The following CRYBG3 variants were observed in gnomAD, a reference collection of about 807,000 sequenced individuals.
The protein encoded by CRYBG3 is very large A-kinase anchor protein.
CRYBG3 carries 127 observed loss-of-function variants against 244.2 expected under a neutral mutation model. The observed-to-expected ratio is 0.52, with a 90% CI of 0.45 to 0.60. The LOEUF (loss-of-function observed/expected upper bound fraction) is 0.60, where lower values mean the gene tolerates loss of function less well. Ranked by LOEUF, CRYBG3 falls within the 20% of genes least tolerant of loss-of-function variation. The probability of loss-of-function intolerance (pLI) is 0.00; values close to 1 mark genes in which losing one functional copy is unlikely to be tolerated. For synonymous variants in CRYBG3, 1,132 were observed against 1,195.8 expected (o/e 0.95, Z 1.10); for missense variants, 3,325 against 3,442.5 (o/e 0.97, Z 0.85).
In CRYBG3 at chr3:97,890,872, G is replaced by A. The variant is rs1281272597; in HGVS notation, c.7440+1482G>A. ...TTAATGCAGCTAGTATTTGAGAAGT[G>A]AAAAAACAGCAAAATAGTAAAGGAG... is the stretch of plus-strand genomic sequence containing the variant. On this transcript the variant is annotated intron_variant, in intron 10 of 21. Transcript: ENST00000389622. Among the ~76,000 whole-genome samples the A allele has an allele frequency of 5.9e-5, 9 of 152,132 alleles. 1 individual carries two copies. Among genetic ancestry groups the A allele is most frequent in the African/African-American group, 2.2e-4 (9 of 41,518 alleles).
intron 1 of CRYBG3, among the ~76,000 whole-genome samples, chr3:97,825,119 T>C (rs570920348): frequency 6.6e-6 from 1 of 152,200 alleles, no homozygotes; most frequent in Non-Finnish European, 1.5e-5. Context: ...TATACATTAA[T>C]GGGACAGAGT....
rs563324487 is a variant in CRYBG3, at chr3:97,848,288, A to G, written c.216+5027A>G. Among the ~76,000 whole-genome samples, 11 of 152,040 alleles carry G rather than the reference A, an allele frequency of 7.2e-5. 1 individual carries two copies. The highest frequency in any genetic ancestry group is 2.2e-4 in the African/African-American group (9 of 41,524). ...TGTATGGCTTTAGTGTATGCTTGCT[A>G]TCTTTGTTTGTTTGTTGTTGTTTTT... On this transcript the variant is annotated intron_variant, in intron 2 of 21. Transcript: ENST00000389622.
intron 16 of CRYBG3, among the ~76,000 whole-genome samples, 179 bp from the exon 17 acceptor site, chr3:97,915,431 T>C (rs1485946465): frequency 6.6e-6 from 1 of 152,188 alleles, no homozygotes; most frequent in Non-Finnish European, 1.5e-5. Context: ...TGGCGCATCA[T>C]AAGCAGTTGA....
intron 5 of CRYBG3, 53 bp downstream of exon 5, chr3:97,879,801 A>G: frequency 7.6e-7 from 1 of 1,311,388 alleles, no homozygotes; most frequent in Non-Finnish European, 1.1e-6. Flanking sequence ...GGTAACTTTC[A>G]GGCTTGAGGA....
At chr3:97,854,575 A>G (rs1434446504) in intron 2 of CRYBG3, among the ~76,000 whole-genome samples, 1 of 148,456 alleles carries the variant, frequency 6.7e-6, no homozygotes, top group East Asian at 2.0e-4. Flanking sequence ...CTCCTTTGTT[A>G]GGTATACTCC....
chr3:97,865,274 T>A (rs891916712), intron 3 of CRYBG3, among the ~76,000 whole-genome samples: 1 of 152,226 alleles, frequency 6.6e-6, no homozygotes, highest in Admixed American at 6.5e-5. Context: ...TTGTGTGACA[T>A]AAAAGTATTC....
rs1449763830 is a variant in CRYBG3 at position 97,843,299 on chromosome 3, ATATCT to A, written c.216+41_216+45del. 7.6e-6 allele frequency: 7 copies of A among 916,892 alleles called. No homozygotes were observed. In the African/African-American group the frequency reaches 1.0e-4, roughly 13 times the overall value. 56.8% of individuals were successfully genotyped at this position (916,892 alleles called of 1,614,324 possible). ...ATTAATATTATTTTATATCAAGCAA[ATATCT>A]TAAATTGCTGTTAATTCTTTTAGAT... On this transcript the variant is annotated intron_variant, in intron 2 of 21. Transcript: ENST00000389622.
chr3:97,844,946 G>A (rs1279298985), intron 2 of CRYBG3, among the ~76,000 whole-genome samples: 1 of 152,130 alleles, frequency 6.6e-6, no homozygotes, highest in Admixed American at 6.6e-5. Context: ...AGAAACTGCA[G>A]TTATCCCGTA....
At chr3:97,855,256 T>A (rs1207090431) in intron 2 of CRYBG3, among the ~76,000 whole-genome samples, 1 of 152,138 alleles carries the variant, frequency 6.6e-6, no homozygotes, top group Non-Finnish European at 1.5e-5. Context: ...TTATTGGAGA[T>A]TTTTGCATCT....
At chr3:97,936,153 C>G (rs1431212752) in intron 18 of CRYBG3, among the ~76,000 whole-genome samples, 6 of 152,086 alleles carry the variant, frequency 3.9e-5, no homozygotes, top group African/African-American at 1.4e-4. Context: ...CGTAGGCAAT[C>G]CTTAAAGCAA....
At chr3:97,860,209 A>G (rs2039126208) in intron 2 of CRYBG3, among the ~76,000 whole-genome samples, 1 of 152,052 alleles carries the variant, frequency 6.6e-6, no homozygotes, top group Non-Finnish European at 1.5e-5. Context: ...CCATTTCTTC[A>G]TTTATTACTC....
At chr3:97,928,216 G>A (rs2040060837) in intron 17 of CRYBG3, among the ~76,000 whole-genome samples, 1 of 150,434 alleles carries the variant, frequency 6.6e-6, no homozygotes, top group African/African-American at 2.4e-5. Context: ...ATACTGTGCA[G>A]CCATAAAAAA....
At chr3:97,855,899 G>A (rs565825705) in intron 2 of CRYBG3, among the ~76,000 whole-genome samples, 10 of 152,130 alleles carry the variant, frequency 6.6e-5, no homozygotes, top group African/African-American at 1.2e-4. Context: ...AGACTGGGGC[G>A]AAATTAAAAT....
At chr3:97,910,523 C>T (rs542317946) in intron 15 of CRYBG3, among the ~76,000 whole-genome samples, 12 of 152,202 alleles carry the variant, frequency 7.9e-5, no homozygotes, top group African/African-American at 2.7e-4. Context: ...AGGTGCTGTC[C>T]GTCACCCCTT....
intron 10 of CRYBG3, among the ~76,000 whole-genome samples, chr3:97,891,484 A>G (rs1362181099): frequency 6.6e-6 from 1 of 152,200 alleles, no homozygotes; most frequent in African/African-American, 2.4e-5. Context: ...AAGTTCATGG[A>G]AAAAATGGAA....
rs951380566 is a variant in CRYBG3, at chr3:97,876,484, A to C, written c.5290A>C (p.Asn1764His). 8.1e-7 allele frequency: 1 copy of C among 1,232,044 alleles called. No homozygotes were observed. The highest frequency in any genetic ancestry group is 1.6e-5 in the African/African-American group (1 of 64,400). 76.3% of individuals were successfully genotyped at this position (1,232,044 alleles called of 1,614,324 possible). The change falls in exon 4 of 22, where the codon AAT becomes CAT. Residue 1764 changes from asparagine to histidine, a missense_variant. By Grantham distance (68) the Asn-to-His change is moderately conservative. Around this residue, in one of 4 missense-constraint regions of CRYBG3, gnomAD observed 635 missense variants for 771.7 expected, o/e 0.82. Coordinates refer to ENST00000389622, the MANE Select transcript of CRYBG3 (RefSeq NM_153605.4). ...EVMPLALEVVNTYQKNAKGFT... is the reference protein window; with the variant it reads ...EVMPLALEVVHTYQKNAKGFT... ...GATGCCCCTTGCATTAGAGGTAGTA[A>C]ATACTTACCAAAAAAATGCCAAAGG...
Position 97,941,320 on chromosome 3 carries a change from C to A in CRYBG3, c.8664+14C>A. 2 of 1,580,102 alleles carry A rather than the reference C, an allele frequency of 1.3e-6. No homozygotes were observed. Among genetic ancestry groups the A allele is most frequent in the African/African-American group, 2.7e-5 (2 of 74,054 alleles). ...TTTAAATCCAAGGTAAGCAATCCCACTGATACAGTATGCCACTTTCTGGTC... is the reference window on the plus strand; with the variant it reads ...TTTAAATCCAAGGTAAGCAATCCCAATGATACAGTATGCCACTTTCTGGTC... On this transcript the variant is annotated intron_variant, in intron 20 of 21. Transcript: ENST00000389622.
At chr3:97,936,761 CT>C in intron 18 of CRYBG3, 23 bp from the exon 19 acceptor site, 1 of 1,606,850 alleles carries the variant, frequency 6.2e-7, no homozygotes, top group African/African-American at 1.3e-5. Flanking sequence ...AAGTACACTA[CT>C]TTTTTCTTTC....
chr3:97,841,406 C>A (rs367568747), intron 1 of CRYBG3, among the ~76,000 whole-genome samples: 2 of 151,610 alleles, frequency 1.3e-5, no homozygotes. Flanking sequence ...TTAGCGGTAT[C>A]CGTTTGGTCC....
Sources: allele counts gnomAD v4.1 joint callset (sites outside exome capture counted in the v4.1 genomes callset), GRCh38; gene constraint gnomAD v4.1.1; regional missense constraint gnomAD v4.1.1; transcripts MANE v1.5; gene names NCBI Gene and HGNC (gene_info 2026-07-23, HGNC 2026-07-21).